Variants in USP50 observed in about 807,000 individuals in gnomAD.
The protein encoded by USP50 is ubiquitin specific peptidase 50, also known as ubiquitin carboxyl-terminal hydrolase 50.
Under a neutral mutation model 39.2 loss-of-function variants are expected in USP50, and 37 were observed. That is an observed-to-expected ratio of 0.94 (90% CI 0.73 to 1.24). USP50 has a LOEUF of 1.24. Ranked by LOEUF, USP50 falls within the 50% of genes most tolerant of loss-of-function variation. The pLI, the probability that USP50 is intolerant of heterozygous loss-of-function variation, is 0.00. For missense variants in USP50, 374 were observed against 398.2 expected (o/e 0.94, Z 0.52); for synonymous variants, 139 against 144.5 (o/e 0.96, Z 0.27).
intron 5 of USP50, among the ~76,000 whole-genome samples, chr15:50,536,713 T>G (rs2052983324): frequency 6.6e-6 from 1 of 151,546 alleles, no homozygotes. Flanking sequence ...CCCTCAAAAA[T>G]GAAATACTTA....
intron 6 of USP50, among the ~76,000 whole-genome samples, chr15:50,519,728 G>A (rs1283085599): frequency 1.3e-5 from 2 of 149,098 alleles, no homozygotes; most frequent in Non-Finnish European, 3.0e-5. Flanking sequence ...AAAAAAAAAA[G>A]CCACCCTGAA....
chr15:50,512,954 A>T (rs1328772401), intron 6 of USP50: 1 of 152,222 alleles, frequency 6.6e-6, no homozygotes, highest in African/African-American at 2.4e-5. Context: ...TAACCCATGT[A>T]ACATATAACA....
intron 3 of USP50, 103 bp from the exon 4 acceptor site, chr15:50,541,367 G>A (rs2053029027): frequency 2.5e-5 from 23 of 913,856 alleles, no homozygotes; most frequent in Non-Finnish European, 3.6e-5. Context: ...CAAAAAATTA[G>A]CTAGGCATGG....
downstream of USP50, among the ~76,000 whole-genome samples, chr15:50,496,656 A>G (rs1490748342): frequency 6.6e-6 from 1 of 152,120 alleles, no homozygotes; most frequent in Non-Finnish European, 1.5e-5. Context: ...TTATAAGTTA[A>G]TTTGGAAAGT....
downstream of USP50, chr15:50,497,005 C>A: frequency 1.3e-6 from 2 of 1,490,356 alleles, no homozygotes; most frequent in Non-Finnish European, 1.8e-6. Flanking sequence ...CTGGTGCCTG[C>A]AGAGTGACTA....
intron 6 of USP50, among the ~76,000 whole-genome samples, chr15:50,526,257 G>C (rs968895321): frequency 2.0e-5 from 3 of 151,970 alleles, no homozygotes; most frequent in African/African-American, 7.3e-5. Flanking sequence ...ATGGGGATTC[G>C]CCATGTTGCC....
intron 6 of USP50, among the ~76,000 whole-genome samples, chr15:50,517,201 T>G (rs1019647540): frequency 6.6e-6 from 1 of 152,202 alleles, no homozygotes; most frequent in Non-Finnish European, 1.5e-5. Flanking sequence ...CCAGGTGTGG[T>G]GGCTCATGCC....
At chr15:50,506,381 T>A (rs2052658741) in intron 6 of USP50, 1 of 152,154 alleles carries the variant, frequency 6.6e-6, no homozygotes, top group African/African-American at 2.4e-5. Context: ...GGATCTAGGT[T>A]GCGTGCTCCT....
intron 2 of USP50, chr15:50,544,086 G>T (rs1427724975): frequency 5.3e-6 from 2 of 374,626 alleles, no homozygotes; most frequent in Non-Finnish European, 9.9e-6. Context: ...CCAGCACTTT[G>T]GGGGGCCGAG....
At chr15:50,516,427 GC>G (rs2052804279) in intron 6 of USP50, among the ~76,000 whole-genome samples, 3 of 152,028 alleles carry the variant, frequency 2.0e-5, no homozygotes. Flanking sequence ...GACCAGCCTG[GC>G]CAACATGGTG....
At chr15:50,496,764 T>C (rs78132340), downstream of USP50, 1,464 of 189,460 alleles carry the variant, frequency 7.7e-3, 36 homozygotes, top group African/African-American at 0.032. Context: ...CAATGTTTCT[T>C]ATATAAAAGC....
intron 5 of USP50, among the ~76,000 whole-genome samples, chr15:50,538,049 G>A (rs1270775845): frequency 6.6e-6 from 1 of 151,422 alleles, no homozygotes. Context: ...GACCGAGGTG[G>A]GTGGATCATG....
chr15:50,512,632 A>C (rs2052752755), intron 6 of USP50: 1 of 152,072 alleles, frequency 6.6e-6, no homozygotes, highest in African/African-American at 2.4e-5. Flanking sequence ...TCTACTAAAA[A>C]TATTTTTAAA....
chr15:50,527,224 A>G (rs1289185497), intron 6 of USP50, among the ~76,000 whole-genome samples: 1 of 152,012 alleles, frequency 6.6e-6, no homozygotes, highest in Non-Finnish European at 1.5e-5. Context: ...CTTTTTTCTG[A>G]GACGGAGTCT....
chr15:50,545,354 T>A (rs2053062981), intron 1 of USP50, among the ~76,000 whole-genome samples: 3 of 151,930 alleles, frequency 2.0e-5, no homozygotes, highest in Admixed American at 2.0e-4. Context: ...TATTTTTACA[T>A]CCCATTTTAC....
chr15:50,525,727 ATG>A (rs1311415225), intron 6 of USP50, among the ~76,000 whole-genome samples: 8 of 82,040 alleles, frequency 9.8e-5, no homozygotes, highest in African/African-American at 3.3e-4. Context: ...ATATGTATAT[ATG>A]TATATGTATA....
intron 6 of USP50, chr15:50,501,278 A>G (rs2141337544): frequency 6.6e-6 from 1 of 151,776 alleles, no homozygotes; most frequent in East Asian, 1.9e-4. Flanking sequence ...TGGGCAAAAT[A>G]GCGAGACTCC....
At chr15:50,508,069 CAAAAAAAAAAAA>C (rs542709964) in intron 6 of USP50, 3 of 66,722 alleles carry the variant, frequency 4.5e-5, no homozygotes, top group African/African-American at 1.9e-4. Context: ...GACTCTGTCT[CAAAAAAAAAAAA>C]AAAAAAAAAA....
chr15:50,496,824 A>G (rs1037191426), downstream of USP50: 6 of 299,628 alleles, frequency 2.0e-5, no homozygotes, highest in Admixed American at 5.1e-5. Flanking sequence ...ATTTCCTCCA[A>G]CAGGGTTTCT....
Sources: gnomAD v4.1 joint callset for allele counts (sites outside exome capture counted in the v4.1 genomes callset) on GRCh38, gnomAD v4.1.1 for gene constraint, MANE v1.5 for transcripts, NCBI Gene and HGNC (gene_info 2026-07-23, HGNC 2026-07-21) for gene names.